The following DMD variants were observed in gnomAD, a reference collection of about 807,000 sequenced individuals.
DMD encodes the protein mutant dystrophin.
DMD carries 63 observed loss-of-function variants against 330.1 expected under a neutral mutation model. The ratio of observed to expected loss-of-function variants is 0.19; its 90% confidence interval spans 0.16 to 0.24. DMD has a LOEUF of 0.24. Among genes scored for constraint, DMD ranks in the 10% least tolerant of loss-of-function variants. DMD has a pLI of 1.00. For synonymous variants in DMD, 1,223 were observed against 959.8 expected (o/e 1.27, Z -5.07); for missense variants, 3,344 against 2,684.1 (o/e 1.25, Z -5.43).
intron 2 of DMD, among the ~76,000 whole-genome samples, chrX:32,870,585 G>A (rs1045221315): frequency 2.7e-5 from 3 of 111,000 alleles, no homozygotes; most frequent in Non-Finnish European, 5.7e-5. Flanking sequence ...TAGACCAATG[G>A]AACAGAACCA....
At chrX:31,952,079 T>C (rs770671387) in intron 45 of DMD, among the ~76,000 whole-genome samples, 7 of 111,532 alleles carry the variant, frequency 6.3e-5, no homozygotes, top group Admixed American at 3.8e-4. Context: ...ATCAATCATG[T>C]GATCCCTGTA....
chrX:32,928,211 ATTTT>A (rs887337378), intron 2 of DMD, among the ~76,000 whole-genome samples: 2 of 110,214 alleles, frequency 1.8e-5, no homozygotes, highest in African/African-American at 6.6e-5. Flanking sequence ...CTTTGAGGTA[ATTTT>A]TTTCTTTGTC....
At chrX:32,739,620 G>A (rs1226356826) in intron 7 of DMD, among the ~76,000 whole-genome samples, 3 of 112,100 alleles carry the variant, frequency 2.7e-5, no homozygotes, top group South Asian at 3.7e-4. Flanking sequence ...TAACAGACCA[G>A]TGGTTGGAGA....
At chrX:33,279,040 T>C (rs5972802) in intron 1 of DMD, among the ~76,000 whole-genome samples, 29,628 of 110,161 alleles carry the variant, frequency 0.27, 4,634 homozygotes, top group East Asian at 0.92. Flanking sequence ...AAAGAAATTC[T>C]GGATTAAATT....
chrX:32,835,359 G>A (rs908752237), intron 4 of DMD, among the ~76,000 whole-genome samples: 6 of 112,403 alleles, frequency 5.3e-5, no homozygotes, highest in African/African-American at 1.9e-4. Flanking sequence ...TAGAGCTGAT[G>A]TAGAGACAAG....
chrX:33,092,994 C>T (rs1347091951), intron 1 of DMD, among the ~76,000 whole-genome samples: 1 of 111,185 alleles, frequency 9.0e-6, no homozygotes, highest in Non-Finnish European at 1.9e-5. Flanking sequence ...CAGCCTCAGC[C>T]TCCCAAGTAG....
At chrX:32,561,179 G>C (rs908402255) in intron 16 of DMD, among the ~76,000 whole-genome samples, 39 of 111,530 alleles carry the variant, frequency 3.5e-4, no homozygotes, top group African/African-American at 1.2e-3. Context: ...AGAGAAGTAG[G>C]CTTCAAAGGT....
intron 52 of DMD, among the ~76,000 whole-genome samples, chrX:31,695,037 G>A (rs926274321): frequency 9.0e-6 from 1 of 110,906 alleles, no homozygotes; most frequent in Non-Finnish European, 1.9e-5. Flanking sequence ...ATCAACATGC[G>A]AATGGATACA....
intron 9 of DMD, among the ~76,000 whole-genome samples, chrX:32,693,112 C>T (rs922686973): frequency 9.0e-6 from 1 of 111,274 alleles, no homozygotes; most frequent in African/African-American, 3.3e-5. Context: ...GAGAAAGACT[C>T]AATTTGCCCT....
chrX:32,765,056 C>T (rs1393143729), intron 7 of DMD, among the ~76,000 whole-genome samples: 1 of 108,638 alleles, frequency 9.2e-6, no homozygotes, highest in Non-Finnish European at 1.9e-5. Flanking sequence ...TAATGATCAG[C>T]GATATCGATT....
At chrX:32,750,883 T>C (rs977317159) in intron 7 of DMD, among the ~76,000 whole-genome samples, 5 of 111,595 alleles carry the variant, frequency 4.5e-5, no homozygotes, top group Admixed American at 9.5e-5. Context: ...GTTCTCATGA[T>C]AGTGAATAAG....
chrX:32,105,516 G>T (rs759424394), intron 44 of DMD, among the ~76,000 whole-genome samples: 213 of 111,855 alleles, frequency 1.9e-3, no homozygotes, highest in African/African-American at 6.7e-3. Context: ...ACAAATGTTT[G>T]CTCTTATACA....
intron 60 of DMD, among the ~76,000 whole-genome samples, chrX:31,379,473 G>C (rs1290309280): frequency 2.7e-5 from 3 of 111,186 alleles, no homozygotes; most frequent in Non-Finnish European, 5.6e-5. Flanking sequence ...TACAGCCCTA[G>C]ACCCTAAAAG....
At chrX:31,761,529 GT>G (rs1316167473) in intron 51 of DMD, among the ~76,000 whole-genome samples, 1 of 112,145 alleles carries the variant, frequency 8.9e-6, no homozygotes, top group Non-Finnish European at 1.9e-5. Context: ...AACTGGTAAT[GT>G]TTTTATTGCT....
intron 37 of DMD, among the ~76,000 whole-genome samples, chrX:32,360,587 A>G (rs2147203466): frequency 9.0e-6 from 1 of 110,569 alleles, no homozygotes; most frequent in South Asian, 3.9e-4. Context: ...CAGGAGTTCC[A>G]GACCAGCCTG....
At chrX:32,377,138 A>G (rs1016883643) in intron 34 of DMD, among the ~76,000 whole-genome samples, 1 of 111,678 alleles carries the variant, frequency 9.0e-6, no homozygotes, top group Non-Finnish European at 1.9e-5. Flanking sequence ...TAGTTTTCTC[A>G]TATCACAGGA....
chrX:32,968,981 T>A (rs752471454), intron 2 of DMD, among the ~76,000 whole-genome samples: 1 of 83,115 alleles, frequency 1.2e-5, no homozygotes, highest in African/African-American at 4.9e-5. Flanking sequence ...TGAGCCAAGA[T>A]CGTGCCACTG....
chrX:32,605,839 A>G (rs2056648155), intron 12 of DMD, among the ~76,000 whole-genome samples: 1 of 110,690 alleles, frequency 9.0e-6, no homozygotes. Flanking sequence ...TAAAACCACA[A>G]GGAGATATGA....
At chrX:31,156,818 C>G (rs759038209) in intron 74 of DMD, among the ~76,000 whole-genome samples, 1 of 111,952 alleles carries the variant, frequency 8.9e-6, no homozygotes, top group South Asian at 3.7e-4. Flanking sequence ...TCTACTTAGA[C>G]CTACTGAGCT....
Sources: allele counts gnomAD v4.1 joint callset (sites outside exome capture counted in the v4.1 genomes callset), GRCh38; gene constraint gnomAD v4.1.1; transcripts MANE v1.5; gene names NCBI Gene and HGNC (gene_info 2026-07-23, HGNC 2026-07-21).